The following TNC variants were observed in gnomAD, a reference collection of about 807,000 sequenced individuals.
TNC encodes tenascin C.
TNC carries 109 observed loss-of-function variants against 202.4 expected under a neutral mutation model. The observed-to-expected ratio is 0.54, with a 90% CI of 0.46 to 0.63. The LOEUF (loss-of-function observed/expected upper bound fraction) is 0.63. TNC is among the 30% of genes least tolerant of loss of function. The pLI is 0.00. For missense variants in TNC, 2,756 were observed against 2,833.3 expected, an observed-to-expected ratio of 0.97 and a Z score of 0.62; for synonymous variants, 1,007 against 1,089.7, an observed-to-expected ratio of 0.92 and a Z score of 1.50.
In TNC at chr9:115,096,356, A is replaced by C. The variant is rs1835789998; in HGVS notation, c.-136-5202T>G. 2.0e-5 allele frequency among the ~76,000 whole-genome samples: 3 copies of C among 152,232 alleles called. No individual in the cohort carries two copies. In the South Asian group the frequency reaches 6.2e-4, roughly 31 times the overall value. ...AATACAATTAAAAATCTCATTGCTCAGTTGTATCACTCACATTTCAAGTAC... is the reference window on the plus strand; with the variant it reads ...AATACAATTAAAAATCTCATTGCTCCGTTGTATCACTCACATTTCAAGTAC... On this transcript the variant is annotated intron_variant, in intron 1 of 27. Coordinates refer to ENST00000350763, the MANE Select transcript of TNC (RefSeq NM_002160.4).
At position 115,046,619 on chromosome 9, in the gene TNC, G is replaced by A; in HGVS notation, c.4916C>T (p.Ser1639Phe). The change falls in exon 17 of 28, where the codon TCC becomes TTC. Residue 1639 changes from serine (S) to phenylalanine (F), a missense_variant. Transcript: ENST00000350763. Reference sequence around the variant, plus strand: ...GAAGACCCCTTCATCAGCTGTCCAGGACAGACGGAAACCGTCTGGGGTGGC... The same window carrying A: ...GAAGACCCCTTCATCAGCTGTCCAGAACAGACGGAAACCGTCTGGGGTGGC... Reference protein sequence around the residue: ...SDATPDGFRLSWTADEGVFDN... With the variant: ...SDATPDGFRLFWTADEGVFDN... 6.2e-7 allele frequency: 1 copy of A among 1,613,990 alleles called. No individual in the cohort carries two copies. The highest frequency in any genetic ancestry group is 8.5e-7 in the Non-Finnish European group (1 of 1,179,990).
chr9:115,032,201 A>G (rs1830001588), intron 22 of TNC, among the ~76,000 whole-genome samples: 1 of 152,202 alleles, frequency 6.6e-6, no homozygotes, highest in African/African-American at 2.4e-5. Flanking sequence ...GAAATAATAT[A>G]AGGAGGCAAT....
At chr9:115,088,569 T>G (rs990276191) in intron 2 of TNC, among the ~76,000 whole-genome samples, 1 of 152,100 alleles carries the variant, frequency 6.6e-6, no homozygotes, top group Non-Finnish European at 1.5e-5. Context: ...CCATGGAGCT[T>G]AAGGAGAAGA....
chr9:115,031,942 G>A (rs555024057), intron 22 of TNC, among the ~76,000 whole-genome samples: 9 of 152,204 alleles, frequency 5.9e-5, no homozygotes, highest in African/African-American at 1.4e-4. Flanking sequence ...GGGAGAGACC[G>A]CATCTGGTAA....
At chr9:115,052,974 T>C (rs908329509) in intron 15 of TNC, 2 of 702,290 alleles carry the variant, frequency 2.8e-6, no homozygotes, top group African/African-American at 3.5e-5. Context: ...CTTTTTGGAG[T>C]AATATTGCTA....
At chr9:115,092,749 ATT>A (rs34706824) in intron 1 of TNC, among the ~76,000 whole-genome samples, 6,831 of 139,196 alleles carry the variant, frequency 0.049, 233 homozygotes, top group Non-Finnish European at 0.059. Context: ...GATTTTTTGT[ATT>A]TTTTTTTTTT....
chr9:115,036,375 C>T, intron 20 of TNC, 134 bp from the exon 21 acceptor site: 3 of 950,910 alleles, frequency 3.2e-6, no homozygotes, highest in South Asian at 1.5e-5. Context: ...GGTCTGATTT[C>T]TGAAATGACT....
chr9:115,080,637 A>C (rs1016673055), intron 6 of TNC, among the ~76,000 whole-genome samples: 1 of 152,116 alleles, frequency 6.6e-6, no homozygotes, highest in Non-Finnish European at 1.5e-5. Flanking sequence ...GCAGCTGTGC[A>C]CGGTGGCTCA....
At chr9:115,077,442 C>G (rs915076476) in intron 7 of TNC, among the ~76,000 whole-genome samples, 8 of 151,826 alleles carry the variant, frequency 5.3e-5, no homozygotes, top group African/African-American at 1.9e-4. Flanking sequence ...CTGCCTGCAT[C>G]AGCCTGCCAA....
intron 1 of TNC, among the ~76,000 whole-genome samples, chr9:115,105,472 A>G (rs1205566899): frequency 2.6e-5 from 4 of 152,200 alleles, no homozygotes; most frequent in Non-Finnish European, 4.4e-5. Flanking sequence ...CACACAGCTC[A>G]AGATCACATA....
chr9:115,091,378 G>GA (rs1239235338), intron 1 of TNC, among the ~76,000 whole-genome samples: 1 of 152,128 alleles, frequency 6.6e-6, no homozygotes, highest in African/African-American at 2.4e-5. Flanking sequence ...TAAGGAGACA[G>GA]AAAAATAGAG....
rs76493607 is a variant in TNC, at chr9:115,101,204, C to G, written c.-136-10050G>C. On this transcript the variant is annotated intron_variant, in intron 1 of 27. Transcript: ENST00000350763. Reference sequence around the variant, plus strand: ...AGCTCATAATTTCCTCCCAAAGAGTCACAAAATACAATTTATTTATTTTTT... The same window carrying G: ...AGCTCATAATTTCCTCCCAAAGAGTGACAAAATACAATTTATTTATTTTTT... Among the ~76,000 whole-genome samples the G allele has an allele frequency of 0.023, 3,566 of 152,252 alleles. 407 individuals are homozygous for G. The East Asian group carries it at 0.39, about 17-fold the overall frequency.
Position 115,040,965 on chromosome 9 carries a change from G to T in TNC, c.5368C>A (p.Pro1790Thr), listed in dbSNP as rs774866786. 3.7e-6 allele frequency: 6 copies of T among 1,613,576 alleles called. No individual in the cohort carries two copies. Among genetic ancestry groups the T allele is most frequent in the Admixed American group, 3.3e-5 (2 of 59,956 alleles). ...IAMKGFEESE[P>T]VSGSFTTALD... ...CCTGTGGTGAATGACCCTGAGACAG[G>T]TTCACTTTCCTCAAAGCCCTTCATG... Residue 1790 changes from proline (P) to threonine (T), a missense_variant, in exon 19 of 28, where the codon CCT becomes ACT. Pro to Thr is a conservative substitution (Grantham distance 38). Around this residue, in one of 2 missense-constraint regions of TNC, gnomAD observed 2,559 missense variants for 2,546.0 expected, o/e 1.01. Coordinates refer to ENST00000350763, the MANE Select transcript of TNC (RefSeq NM_002160.4).
At chr9:115,037,559 CCT>C (rs1458172214) in intron 20 of TNC, among the ~76,000 whole-genome samples, 3 of 151,956 alleles carry the variant, frequency 2.0e-5, no homozygotes, top group Non-Finnish European at 2.9e-5. Flanking sequence ...ACAGAGCCTC[CCT>C]CTCTCACCCA....
chr9:115,093,128 G>C (rs1435387611), intron 1 of TNC, among the ~76,000 whole-genome samples: 1 of 152,144 alleles, frequency 6.6e-6, no homozygotes, highest in East Asian at 1.9e-4. Flanking sequence ...AAAACTTAGA[G>C]AGGAATTGTG....
intron 4 of TNC, among the ~76,000 whole-genome samples, chr9:115,083,474 T>C (rs1834462096): frequency 6.6e-6 from 1 of 152,184 alleles, no homozygotes; most frequent in Non-Finnish European, 1.5e-5. Flanking sequence ...AAGTTTTGCC[T>C]CTACTCCTTG....
intron 17 of TNC, among the ~76,000 whole-genome samples, chr9:115,044,032 C>T (rs1444206318): frequency 6.6e-6 from 1 of 152,146 alleles, no homozygotes; most frequent in African/African-American, 2.4e-5. Flanking sequence ...CATGATGAAA[C>T]TCCAAGGACA....
chr9:115,036,009 GA>G lies in TNC; in HGVS notation c.5656+88del, dbSNP rs1830293625. 5.3e-6 allele frequency: 8 copies of G among 1,513,812 alleles called. No homozygotes were observed. In the Admixed American group the frequency reaches 1.3e-4, roughly 25 times the overall value. The allele number at this position is 1,513,812 out of a possible 1,614,324, so 93.8% of individuals were successfully genotyped here. Reference sequence around the variant, plus strand: ...CATTGCAAGGCCCTGACTTAAGAAAGAAGAACTGGCTAGCGGTTCCTGTTTA... The same window carrying G: ...CATTGCAAGGCCCTGACTTAAGAAAGAGAACTGGCTAGCGGTTCCTGTTTA... On this transcript the variant is annotated intron_variant, in intron 21 of 27. Transcript: ENST00000350763.
chr9:115,090,399 T>A (rs1835128276), intron 2 of TNC, among the ~76,000 whole-genome samples, 163 bp downstream of exon 2: 1 of 152,238 alleles, frequency 6.6e-6, no homozygotes. Flanking sequence ...GAGAGATGGC[T>A]GCAGTCTCCA....
Sources: allele counts gnomAD v4.1 joint callset (sites outside exome capture counted in the v4.1 genomes callset), GRCh38; gene constraint gnomAD v4.1.1; regional missense constraint gnomAD v4.1.1; transcripts MANE v1.5; gene names NCBI Gene and HGNC (gene_info 2026-07-23, HGNC 2026-07-21).